Variants in GALNT17 observed in about 807,000 individuals in gnomAD.
The protein encoded by GALNT17 is polypeptide N-acetylgalactosaminyltransferase 17.
In GALNT17, 29 loss-of-function variants were observed where a neutral mutation model predicts 63.7. The ratio of observed to expected loss-of-function variants is 0.46; its 90% confidence interval spans 0.34 to 0.62. The LOEUF (loss-of-function observed/expected upper bound fraction) is 0.62, where lower values mean the gene tolerates loss of function less well. Among genes scored for constraint, GALNT17 ranks in the 20% least tolerant of loss-of-function variants. The pLI is 0.01. For synonymous variants in GALNT17, 305 were observed against 318.3 expected, an observed-to-expected ratio of 0.96 and a Z score of 0.45; for missense variants, 603 against 799.6, an observed-to-expected ratio of 0.75 and a Z score of 2.97.
intron 3 of GALNT17, among the ~76,000 whole-genome samples, chr7:71,398,952 G>A (rs1353804514): frequency 1.3e-5 from 2 of 152,184 alleles, no homozygotes; most frequent in Admixed American, 6.5e-5. Context: ...GGGAGTGGGG[G>A]CTGGACGTGG....
At chr7:71,526,298 C>G (rs895201349) in intron 5 of GALNT17, among the ~76,000 whole-genome samples, 3 of 152,102 alleles carry the variant, frequency 2.0e-5, no homozygotes, top group Non-Finnish European at 4.4e-5. Context: ...TTTTCTCTGT[C>G]AAAAACCAAT....
chr7:71,480,541 A>C (rs895814084), intron 5 of GALNT17, among the ~76,000 whole-genome samples: 2 of 144,714 alleles, frequency 1.4e-5, no homozygotes, highest in Non-Finnish European at 3.0e-5. Flanking sequence ...TCTGTCGCTC[A>C]TGTCACCCAG....
intron 5 of GALNT17, among the ~76,000 whole-genome samples, chr7:71,472,179 T>C (rs1787643360): frequency 1.3e-5 from 2 of 152,100 alleles, no homozygotes; most frequent in Admixed American, 6.6e-5. Context: ...GTCCCTTTTC[T>C]AAGGCATGGA....
chr7:71,666,377 A>C (rs2117048185), intron 7 of GALNT17, among the ~76,000 whole-genome samples: 1 of 149,202 alleles, frequency 6.7e-6, no homozygotes, highest in Non-Finnish European at 1.5e-5. Context: ...GATTTATATA[A>C]ATTTTTTTAT....
chr7:71,688,328 G>A (rs1791392074), intron 9 of GALNT17, among the ~76,000 whole-genome samples: 1 of 152,100 alleles, frequency 6.6e-6, no homozygotes, highest in Admixed American at 6.6e-5. Flanking sequence ...ATTACTTTGG[G>A]TTGTTCGTTC....
In GALNT17 at chr7:71,592,533, A is replaced by G. The variant is rs867671515; in HGVS notation, c.1080+21131A>G. Among the ~76,000 whole-genome samples the G allele has an allele frequency of 1.1e-3, 32 of 30,448 alleles. 1 individual carries two copies. The highest frequency in any genetic ancestry group is 3.8e-3 in the South Asian group (3 of 782). The allele number at this position is 30,448 out of a possible 152,430, so 20.0% of individuals were successfully genotyped here. A position where few individuals can be genotyped will look rare whatever the true frequency, so the allele number is the denominator to read the frequency against. On this transcript the variant is annotated intron_variant, in intron 6 of 10. Coordinates refer to ENST00000333538, the MANE Select transcript of GALNT17 (RefSeq NM_022479.3). ...AAATAAAATAAAATAAAATAAAATA[A>G]AATAAAATAAAATAGCATAGCATAG...
intron 1 of GALNT17, among the ~76,000 whole-genome samples, chr7:71,197,183 C>T (rs1490603861): frequency 6.8e-6 from 1 of 147,954 alleles, no homozygotes; most frequent in African/African-American, 2.5e-5. Context: ...TTATAGTCAC[C>T]CTGTTGTGCT....
chr7:71,706,167 G>T (rs532342817), intron 9 of GALNT17, among the ~76,000 whole-genome samples: 1 of 152,304 alleles, frequency 6.6e-6, no homozygotes, highest in Non-Finnish European at 1.5e-5. Flanking sequence ...CCCTTGGCCA[G>T]ACCAGCAGAA....
chr7:71,461,695 T>C (rs765631085), intron 5 of GALNT17, among the ~76,000 whole-genome samples: 1 of 152,196 alleles, frequency 6.6e-6, no homozygotes, highest in Non-Finnish European at 1.5e-5. Context: ...AATGAGGCAG[T>C]CCCACGTGAC....
intron 6 of GALNT17, among the ~76,000 whole-genome samples, chr7:71,623,964 G>A (rs1464376212): frequency 6.6e-6 from 1 of 152,150 alleles, no homozygotes; most frequent in African/African-American, 2.4e-5. Context: ...CAAAACCGTG[G>A]TCAGAATGAC....
intron 1 of GALNT17, among the ~76,000 whole-genome samples, chr7:71,269,968 T>A (rs1790556764): frequency 6.6e-6 from 1 of 152,186 alleles, no homozygotes; most frequent in South Asian, 2.1e-4. Context: ...ATTTACAGGC[T>A]TTAGGAAATA....
intron 3 of GALNT17, among the ~76,000 whole-genome samples, chr7:71,394,403 G>T (rs1290621221): frequency 6.6e-6 from 1 of 152,176 alleles, no homozygotes; most frequent in Non-Finnish European, 1.5e-5. Flanking sequence ...GAGATTTGGA[G>T]GGGACAAACC....
At chr7:71,310,020 G>A (rs1583850882) in intron 1 of GALNT17, among the ~76,000 whole-genome samples, 3 of 152,244 alleles carry the variant, frequency 2.0e-5, no homozygotes, top group Middle Eastern at 3.4e-3. Flanking sequence ...GGTTTTATAA[G>A]GGGGAGTTTC....
At chr7:71,217,018 C>T (rs1460937420) in intron 1 of GALNT17, among the ~76,000 whole-genome samples, 1 of 152,082 alleles carries the variant, frequency 6.6e-6, no homozygotes, top group African/African-American at 2.4e-5. Flanking sequence ...GCCTGCAGTT[C>T]AGTGGTGTGA....
chr7:71,297,503 C>G (rs572826698), intron 1 of GALNT17, among the ~76,000 whole-genome samples: 2 of 138,782 alleles, frequency 1.4e-5, no homozygotes, highest in African/African-American at 5.0e-5. Flanking sequence ...GTGGTGCATG[C>G]CTGTAGCCCC....
intron 2 of GALNT17, among the ~76,000 whole-genome samples, chr7:71,377,114 A>AAAATATATATATATATATAT: frequency 1.2e-4 from 7 of 57,462 alleles, no homozygotes; most frequent in South Asian, 4.4e-4. Flanking sequence ...AAATAAAAAA[A>AAAATATATATATATATATAT]ATATATATAT....
intron 5 of GALNT17, among the ~76,000 whole-genome samples, chr7:71,550,409 C>T (rs1331479234): frequency 3.9e-5 from 6 of 151,906 alleles, no homozygotes; most frequent in African/African-American, 1.5e-4. Context: ...GAGATGGAGT[C>T]TCGCTCTGTC....
chr7:71,265,118 A>ATATTT (rs1390488895), intron 1 of GALNT17, among the ~76,000 whole-genome samples: 4 of 37,464 alleles, frequency 1.1e-4, no homozygotes, highest in African/African-American at 2.8e-4. Context: ...ATATATATAT[A>ATATTT]TTTTTTTTTT....
chr7:71,476,557 G>T (rs1787726263), intron 5 of GALNT17, among the ~76,000 whole-genome samples: 1 of 152,052 alleles, frequency 6.6e-6, no homozygotes, highest in African/African-American at 2.4e-5. Context: ...ATTGTTGAAG[G>T]TATGGAGTGT....
Sources: gnomAD v4.1 joint callset for allele counts (sites outside exome capture counted in the v4.1 genomes callset) on GRCh38, gnomAD v4.1.1 for gene constraint, MANE v1.5 for transcripts, NCBI Gene and HGNC (gene_info 2026-07-23, HGNC 2026-07-21) for gene names.